Variants in TTC28 observed in about 807,000 individuals in gnomAD.
TTC28 encodes the protein tetratricopeptide repeat protein 28.
A neutral mutation model predicts 198.0 loss-of-function variants in TTC28; 61 were observed. The observed-to-expected ratio is 0.31, with a 90% CI of 0.25 to 0.38. TTC28 has a LOEUF of 0.38. Ranked by LOEUF, TTC28 falls within the 10% of genes least tolerant of loss-of-function variation. TTC28 has a pLI of 1.00. For synonymous variants in TTC28, 1,171 were observed against 1,297.8 expected (o/e 0.90, Z 2.10); for missense variants, 2,678 against 3,164.0 (o/e 0.85, Z 3.69).
At chr22:28,519,004 C>A (rs2048846302) in intron 2 of TTC28, among the ~76,000 whole-genome samples, 1 of 152,208 alleles carries the variant, frequency 6.6e-6, no homozygotes, top group Non-Finnish European at 1.5e-5. Context: ...TCTAGCCACC[C>A]TCTGAAATCC....
At chr22:28,496,625 C>A (rs1351416710) in intron 2 of TTC28, among the ~76,000 whole-genome samples, 1 of 152,060 alleles carries the variant, frequency 6.6e-6, no homozygotes, top group Non-Finnish European at 1.5e-5. Context: ...CCACCCTTGT[C>A]CAGGTCATCA....
At chr22:28,526,088 G>A (rs1431645414) in intron 2 of TTC28, among the ~76,000 whole-genome samples, 1 of 152,158 alleles carries the variant, frequency 6.6e-6, no homozygotes, top group Admixed American at 6.6e-5. Flanking sequence ...ACGGGACGGG[G>A]CTGTGGAGTG....
At chr22:28,493,931 A>C (rs964165086) in intron 2 of TTC28, among the ~76,000 whole-genome samples, 4 of 152,196 alleles carry the variant, frequency 2.6e-5, no homozygotes, top group Non-Finnish European at 4.4e-5. Context: ...TAAAATTTAA[A>C]AGATAAGGCA....
chr22:28,648,785 T>C (rs927519639), intron 1 of TTC28, among the ~76,000 whole-genome samples: 58 of 152,138 alleles, frequency 3.8e-4, no homozygotes, highest in Non-Finnish European at 3.8e-4. Context: ...GGCCTGTGCC[T>C]GTAGTCCTGG....
chr22:28,020,902 A>G (rs1418107421), intron 13 of TTC28, among the ~76,000 whole-genome samples: 2 of 152,138 alleles, frequency 1.3e-5, no homozygotes, highest in African/African-American at 4.8e-5. Flanking sequence ...TCAGGCAGCT[A>G]GGACCCGACA....
chr22:28,189,934 T>C (rs1924573148), intron 5 of TTC28, among the ~76,000 whole-genome samples: 1 of 152,228 alleles, frequency 6.6e-6, no homozygotes, highest in Admixed American at 6.5e-5. Flanking sequence ...ACTTTTCTTA[T>C]TAGGAAGCTT....
intron 1 of TTC28, among the ~76,000 whole-genome samples, chr22:28,642,347 T>C (rs1157008371): frequency 6.6e-6 from 1 of 151,310 alleles, no homozygotes; most frequent in Non-Finnish European, 1.5e-5. Context: ...CAGAATACAG[T>C]AAGATTATCT....
chr22:28,622,788 A>G (rs2051020789), intron 2 of TTC28, among the ~76,000 whole-genome samples: 1 of 152,138 alleles, frequency 6.6e-6, no homozygotes, highest in South Asian at 2.1e-4. Context: ...AAGAGTAAGT[A>G]GAAGGCTGGA....
chr22:28,254,302 A>C (rs1441765013), intron 5 of TTC28, among the ~76,000 whole-genome samples: 1 of 152,150 alleles, frequency 6.6e-6, no homozygotes, highest in Non-Finnish European at 1.5e-5. Context: ...TCATACAAAG[A>C]GAGAATGTAG....
At chr22:28,654,766 TG>T (rs1008130168) in intron 1 of TTC28, among the ~76,000 whole-genome samples, 1 of 152,218 alleles carries the variant, frequency 6.6e-6, no homozygotes, top group African/African-American at 2.4e-5. Flanking sequence ...AGGTGGGAAG[TG>T]GGAAATGTTT....
chr22:28,073,579 G>A (rs1470232105), intron 12 of TTC28, among the ~76,000 whole-genome samples: 3 of 152,224 alleles, frequency 2.0e-5, no homozygotes, highest in Non-Finnish European at 4.4e-5. Flanking sequence ...GAGAGAAGAT[G>A]ATGCTTCTTT....
rs546491488 is a variant in TTC28 at position 28,094,405 on chromosome 22, G to C, written c.3767-160C>G. 2.6e-5 allele frequency among the ~76,000 whole-genome samples: 4 copies of C among 152,326 alleles called. No homozygotes were observed. The South Asian group carries it at 8.3e-4, about 32-fold the overall frequency. Reference sequence around the variant, plus strand: ...AATCCTGAAATCCAAGGTCTCAAGAGGGCTTTCTCTATTTTGGTCAGTATC... The same window carrying C: ...AATCCTGAAATCCAAGGTCTCAAGACGGCTTTCTCTATTTTGGTCAGTATC... On this transcript the variant is annotated intron_variant, in intron 11 of 22. Transcript: ENST00000397906.
At chr22:28,306,394 T>G (rs1479187204) in intron 3 of TTC28, 102 bp downstream of exon 3, 22 of 1,345,290 alleles carry the variant, frequency 1.6e-5, no homozygotes, top group African/African-American at 7.5e-5. Context: ...CTTAGCAAAT[T>G]TGATAACCTA....
chr22:28,657,202 T>C (rs1013559584), intron 1 of TTC28, among the ~76,000 whole-genome samples: 1 of 152,204 alleles, frequency 6.6e-6, no homozygotes, highest in African/African-American at 2.4e-5. Context: ...AGATTAAACC[T>C]AGGGAGTCAG....
At chr22:28,540,105 A>T (rs1228145537) in intron 2 of TTC28, among the ~76,000 whole-genome samples, 3 of 151,830 alleles carry the variant, frequency 2.0e-5, no homozygotes, top group Non-Finnish European at 2.9e-5. Context: ...CACCACGCCC[A>T]GCTAATTTTT....
intron 12 of TTC28, among the ~76,000 whole-genome samples, chr22:28,060,171 A>G (rs1940462088): frequency 1.3e-5 from 2 of 152,138 alleles, no homozygotes. Context: ...ACATGTATAC[A>G]TGTGCCATGT....
chr22:28,082,796 T>C (rs1941413628), intron 12 of TTC28, among the ~76,000 whole-genome samples: 1 of 152,220 alleles, frequency 6.6e-6, no homozygotes, highest in Admixed American at 6.5e-5. Flanking sequence ...CTTTAATTTT[T>C]AAAAAGAATT....
At chr22:28,515,099 T>C (rs559215232) in intron 2 of TTC28, among the ~76,000 whole-genome samples, 2 of 152,326 alleles carry the variant, frequency 1.3e-5, no homozygotes, top group East Asian at 3.9e-4. Context: ...TGGAGATGTA[T>C]GAAAATTACT....
intron 18 of TTC28, 138 bp from the exon 19 acceptor site, chr22:27,992,801 G>A (rs1284559030): frequency 7.6e-6 from 6 of 790,188 alleles, no homozygotes; most frequent in South Asian, 3.6e-5. Context: ...AGACATGTGT[G>A]TCTGTGTGTG....
Sources: allele counts gnomAD v4.1 joint callset (sites outside exome capture counted in the v4.1 genomes callset), GRCh38; gene constraint gnomAD v4.1.1; transcripts MANE v1.5; gene names NCBI Gene and HGNC (gene_info 2026-07-23, HGNC 2026-07-21).